Variants in SALL4 observed in about 807,000 individuals in gnomAD.
SALL4 encodes the protein sal-like protein 4.
Under a neutral mutation model 60.8 loss-of-function variants are expected in SALL4, and 4 were observed. The observed-to-expected ratio is 0.07, with a 90% CI of 0.03 to 0.15. The LOEUF (loss-of-function observed/expected upper bound fraction) is 0.15, where lower values mean the gene tolerates loss of function less well. Among genes scored for constraint, SALL4 ranks in the 10% least tolerant of loss-of-function variants. SALL4 has a pLI of 1.00. For missense variants in SALL4, 1,178 were observed against 1,394.7 expected (o/e 0.84, Z 2.48); for synonymous variants, 580 against 574.9 (o/e 1.01, Z -0.13).
At chr20:51,796,345 T>C (rs2078079902) in intron 1 of SALL4, among the ~76,000 whole-genome samples, 1 of 151,748 alleles carries the variant, frequency 6.6e-6, no homozygotes, top group Non-Finnish European at 1.5e-5. Flanking sequence ...AACAAAAACA[T>C]ACTTCATACT....
At chr20:51,793,406 T>C (rs915787634) in intron 1 of SALL4, among the ~76,000 whole-genome samples, 1 of 152,042 alleles carries the variant, frequency 6.6e-6, no homozygotes, top group Non-Finnish European at 1.5e-5. Context: ...GAGAACCGCT[T>C]GAGCCTGGGA....
Position 51,790,940 on chromosome 20 carries a change from T to C in SALL4, c.1543A>G (p.Ser515Gly). Residue 515 changes from serine to glycine, a missense_variant, in exon 2 of 4, where the codon AGT becomes GGT. By Grantham distance (56) the Ser-to-Gly change is moderately conservative. Around this residue, in one of 5 missense-constraint regions of SALL4, gnomAD observed 853 missense variants for 1,036.8 expected, o/e 0.82. Coordinates refer to ENST00000217086, the MANE Select transcript of SALL4 (RefSeq NM_020436.5). The surrounding 1 kb of genome is among the most constrained non-coding windows in gnomAD (Gnocchi z 5.5). ...GDLQPGPSPE[S>G]EGGPTLPGVG... ...CCAGGGAGTGTGGGTCCACCCTCAC[T>C]TTCTGGAGAAGGCCCAGGCTGCAGG... 6.2e-7 allele frequency: 1 copy of C among 1,614,094 alleles called. No individual in the cohort carries two copies. The highest frequency in any genetic ancestry group is 1.7e-5 in the Admixed American group (1 of 60,020).
intron 1 of SALL4, chr20:51,797,294 A>G (rs562937972): frequency 6.6e-6 from 1 of 151,964 alleles, no homozygotes; most frequent in Non-Finnish European, 1.5e-5. Context: ...CTGTATTTCA[A>G]TGCAATTTAT....
intron 2 of SALL4, 93 bp downstream of exon 2, chr20:51,789,929 A>G (rs1164325020): frequency 1.3e-6 from 2 of 1,521,446 alleles, no homozygotes; most frequent in African/African-American, 1.4e-5. Flanking sequence ...GGCTGCTTCA[A>G]GTCATACTCT....
At chr20:51,784,997 A>G (rs1437116479) in intron 3 of SALL4, among the ~76,000 whole-genome samples, 1 of 152,190 alleles carries the variant, frequency 6.6e-6, no homozygotes, top group Admixed American at 6.6e-5. Flanking sequence ...TATTTTATAC[A>G]TGAGCACTGA....
rs2078036251 is a variant in SALL4 at position 51,791,069 on chromosome 20, A to T, written c.1414T>A (p.Leu472Ile). The T allele has an allele frequency of 1.9e-6, 3 of 1,614,028 alleles. No individual in the cohort carries two copies. Among genetic ancestry groups the T allele is most frequent in the Middle Eastern group, 1.6e-4 (1 of 6,084 alleles). The part of the protein sequence containing the change: ...PDPIDEPSLS[L>I]DSKPVLVTTS... ...GTTACAAGGACAGGTTTGCTGTCTAAAGAAAGACTCGGTTCATCTATGGGG... is the reference window on the plus strand; with the variant it reads ...GTTACAAGGACAGGTTTGCTGTCTATAGAAAGACTCGGTTCATCTATGGGG... Residue 472 changes from leucine to isoleucine, a missense_variant, in exon 2 of 4, where the codon TTA becomes ATA. Transcript: ENST00000217086. The surrounding 1 kb of genome is among the most constrained non-coding windows in gnomAD (Gnocchi z 4.6).
intron 1 of SALL4, among the ~76,000 whole-genome samples, chr20:51,795,753 T>C (rs545551592): frequency 6.6e-6 from 1 of 152,200 alleles, no homozygotes; most frequent in Non-Finnish European, 1.5e-5. Context: ...ACCCAGCAAT[T>C]CCTGCTTTAG....
At chr20:51,786,832 C>T (rs1012765048) in intron 3 of SALL4, among the ~76,000 whole-genome samples, 6 of 152,220 alleles carry the variant, frequency 3.9e-5, no homozygotes, top group African/African-American at 1.4e-4. Flanking sequence ...CAGTGGCTCA[C>T]GCCTATAATC....
chr20:51,788,654 C>T lies in SALL4; in HGVS notation c.2742+207G>A, dbSNP rs553895533. Among the ~76,000 whole-genome samples, 1 of 152,110 alleles carries T rather than the reference C, an allele frequency of 6.6e-6. No individual in the cohort carries two copies. Among genetic ancestry groups the T allele is most frequent in the Admixed American group, 6.6e-5 (1 of 15,264 alleles). On this transcript the variant is annotated intron_variant, in intron 3 of 3. Transcript: ENST00000217086. The surrounding 1 kb of genome is among the most constrained non-coding windows in gnomAD (Gnocchi z 4.1). Reference sequence around the variant, plus strand: ...TGCAGTGAGCTTGAGCTTGAGATGGCGCCACTGCACTCCAGTCTGGGCGAC... The same window carrying T: ...TGCAGTGAGCTTGAGCTTGAGATGGTGCCACTGCACTCCAGTCTGGGCGAC...
Position 51,791,859 on chromosome 20 carries a change from G to A in SALL4, c.624C>T (p.Ala208=). 6.2e-7 allele frequency: 1 copy of A among 1,614,140 alleles called. No individual in the cohort carries two copies. The highest frequency in any genetic ancestry group is 1.1e-5 in the South Asian group (1 of 91,082). Residue 208 remains alanine (A), a synonymous_variant, in exon 2 of 4, where the codon GCC becomes GCT. Coordinates refer to ENST00000217086, the MANE Select transcript of SALL4 (RefSeq NM_020436.5). The surrounding 1 kb of genome is among the most constrained non-coding windows in gnomAD (Gnocchi z 4.6). ...GCTCGAGGACCCACGGGATGCTGTT[G>A]GCACCAGGCACGGGGGCAGGGAGTG... ...ADALPAPVPG[A]NSIPWVLEQI...
chr20:51,802,019 T>C (rs2078113321), intron 1 of SALL4, among the ~76,000 whole-genome samples: 1 of 144,322 alleles, frequency 6.9e-6, no homozygotes, highest in South Asian at 2.2e-4. Flanking sequence ...GAGGAGCGAG[T>C]GGGGGTCAAT....
chr20:51,800,690 G>A (rs2078104101), intron 1 of SALL4, among the ~76,000 whole-genome samples: 2 of 152,206 alleles, frequency 1.3e-5, no homozygotes, highest in Admixed American at 1.3e-4. Flanking sequence ...TGTTCCAGGT[G>A]GGCCAGGCCA....
In SALL4 at chr20:51,802,410, G is replaced by A. The variant is rs1421321284; in HGVS notation, c.-2C>T. ...TTTCGCCTGCTTGCGCCTCGACATG[G>A]TGCGAGCATCGGGGCGCCGGGAGAG... is the stretch of plus-strand genomic sequence containing the variant. On this transcript the variant is annotated 5_prime_UTR_variant, in exon 1 of 4. Coordinates refer to ENST00000217086, the MANE Select transcript of SALL4 (RefSeq NM_020436.5). 1.2e-6 allele frequency: 2 copies of A among 1,612,570 alleles called. No individual in the cohort carries two copies. The highest frequency in any genetic ancestry group is 3.3e-5 in the Admixed American group (2 of 60,022).
chr20:51,782,573 A>AAAAAAAAAG lies in SALL4; in HGVS notation c.*1691_*1692insCTTTTTTTT, dbSNP rs57307622. 6.8e-5 allele frequency: 9 copies of AAAAAAAAAG among 131,954 alleles called. No individual in the cohort carries two copies. Among genetic ancestry groups the AAAAAAAAAG allele is most frequent in the African/African-American group, 9.4e-5 (3 of 32,020 alleles). The allele number at this position is 131,954 out of a possible 1,614,324, so 8.2% of individuals were successfully genotyped here. ...GGCAAAAAAAAAAAAAAAAAAAAAA[A>AAAAAAAAAG]AGGGGGGCGGAATCCTAAAGTCAGG... is the stretch of plus-strand genomic sequence containing the variant. On this transcript the variant is annotated 3_prime_UTR_variant, in exon 4 of 4. Transcript: ENST00000217086.
chr20:51,791,550 TGCCAGCCCTGGG>T lies in SALL4; in HGVS notation c.921_932del (p.Gly309_Pro312del). ...TCCCATCCGGCTTCAGAGTGAAGGG[TGCCAGCCCTGGG>T]GACAGGGAGCTGGTGGCAGAAGGGA... On this transcript the variant is annotated inframe_deletion, in exon 2 of 4. Transcript: ENST00000217086. The surrounding 1 kb of genome is among the most constrained non-coding windows in gnomAD (Gnocchi z 4.6). 6.2e-7 allele frequency: 1 copy of T among 1,613,594 alleles called. No homozygotes were observed. The highest frequency in any genetic ancestry group is 8.5e-7 in the Non-Finnish European group (1 of 1,179,994).
At chr20:51,799,167 G>C (rs536885433) in intron 1 of SALL4, among the ~76,000 whole-genome samples, 17 of 152,244 alleles carry the variant, frequency 1.1e-4, no homozygotes, top group South Asian at 6.2e-4. Context: ...TTGGTATTTT[G>C]AACAAAATTA....
Position 51,802,311 on chromosome 20 carries a change from G to C in SALL4, c.98C>G (p.Ala33Gly). 6.2e-7 allele frequency: 1 copy of C among 1,609,510 alleles called. No homozygotes were observed. Among genetic ancestry groups the C allele is most frequent in the Non-Finnish European group, 8.5e-7 (1 of 1,179,128 alleles). Residue 33 changes from alanine (A) to glycine (G), a missense_variant, in exon 1 of 4, where the codon GCG (alanine) becomes GGG (glycine). By Grantham distance (60) the Ala-to-Gly change is moderately conservative. This residue lies in a region of SALL4 where 108 missense variants were observed against 95.7 expected (regional missense o/e 1.13). Coordinates refer to ENST00000217086, the MANE Select transcript of SALL4 (RefSeq NM_020436.5). The part of the protein sequence containing the change: ...PQQQTPEFAD[A>G]APAAPAAGEL... ...CCCCGCCGCGGGCGCCGCTGGGGCCGCATCTGCAAACTCCGGGGTCTGCTG... is the reference window on the plus strand; with the variant it reads ...CCCCGCCGCGGGCGCCGCTGGGGCCCCATCTGCAAACTCCGGGGTCTGCTG...
chr20:51,800,920 G>A (rs1472669098), intron 1 of SALL4, among the ~76,000 whole-genome samples: 1 of 152,216 alleles, frequency 6.6e-6, no homozygotes, highest in African/African-American at 2.4e-5. Flanking sequence ...CTTGGGAAAT[G>A]TATTACATTC....
At chr20:51,785,625 C>T (rs1364739426) in intron 3 of SALL4, among the ~76,000 whole-genome samples, 2 of 152,070 alleles carry the variant, frequency 1.3e-5, no homozygotes, top group Non-Finnish European at 2.9e-5. Context: ...GATCCAAGTG[C>T]CAGGGTTAAC....
Sources: allele counts gnomAD v4.1 joint callset (sites outside exome capture counted in the v4.1 genomes callset), GRCh38; gene constraint gnomAD v4.1.1; regional missense constraint gnomAD v4.1.1; non-coding constraint Gnocchi (gnomAD v3.1); transcripts MANE v1.5; gene names NCBI Gene and HGNC (gene_info 2026-07-23, HGNC 2026-07-21).